Variants in LRP1B observed in about 807,000 individuals in gnomAD.
The protein encoded by LRP1B is LDL receptor related protein 1B, also known as low-density lipoprotein receptor-related protein 1B.
Under a neutral mutation model 556.6 loss-of-function variants are expected in LRP1B, and 217 were observed. That is an observed-to-expected ratio of 0.39 (90% CI 0.35 to 0.44). The LOEUF is 0.44. LRP1B is among the 20% of genes least tolerant of loss of function. The pLI, the probability that LRP1B is intolerant of heterozygous loss-of-function variation, is 1.00. For synonymous variants in LRP1B, 2,047 were observed against 1,865.8 expected (o/e 1.10, Z -2.50); for missense variants, 5,053 against 5,620.8 (o/e 0.90, Z 3.23).
At chr2:141,441,170 G>A (rs184976909) in intron 3 of LRP1B, among the ~76,000 whole-genome samples, 205 of 152,012 alleles carry the variant, frequency 1.3e-3, no homozygotes, top group Non-Finnish European at 2.1e-3. Flanking sequence ...TCCACCTCCC[G>A]GGTTCAAGTG....
At chr2:141,838,985 C>G (rs946481157) in intron 1 of LRP1B, among the ~76,000 whole-genome samples, 1 of 152,060 alleles carries the variant, frequency 6.6e-6, no homozygotes, top group Non-Finnish European at 1.5e-5. Flanking sequence ...AGCTGTGACT[C>G]CTGAGTTTGG....
chr2:142,124,299 A>G (rs1362438072), intron 1 of LRP1B, among the ~76,000 whole-genome samples: 1 of 151,980 alleles, frequency 6.6e-6, no homozygotes, highest in African/African-American at 2.4e-5. Flanking sequence ...AATAGGGAAT[A>G]AGATCAACAA....
At chr2:140,778,084 T>C (rs1689561386) in intron 32 of LRP1B, among the ~76,000 whole-genome samples, 1 of 152,162 alleles carries the variant, frequency 6.6e-6, no homozygotes, top group Admixed American at 6.6e-5. Flanking sequence ...ATTAATTTTA[T>C]TAAAGCTAGG....
chr2:141,896,716 A>T (rs1053972928), intron 1 of LRP1B, among the ~76,000 whole-genome samples: 14 of 152,204 alleles, frequency 9.2e-5, no homozygotes, highest in African/African-American at 2.9e-4. Context: ...TGACATAAAT[A>T]CAAACATAAA....
At chr2:140,704,877 G>A (rs1328063050) in intron 37 of LRP1B, among the ~76,000 whole-genome samples, 1 of 152,116 alleles carries the variant, frequency 6.6e-6, no homozygotes, top group Non-Finnish European at 1.5e-5. Context: ...ATTATTTTGA[G>A]TGAACAGATC....
intron 41 of LRP1B, among the ~76,000 whole-genome samples, chr2:140,687,624 T>C (rs1248442061): frequency 6.6e-6 from 1 of 152,020 alleles, no homozygotes; most frequent in Non-Finnish European, 1.5e-5. Context: ...TCTCTCTCTC[T>C]CAGTATTTTT....
At position 140,534,670 on chromosome 2, in the gene LRP1B, C is replaced by T. The variant is rs150357631; in HGVS notation, c.7643-530G>A. Among the ~76,000 whole-genome samples the T allele has an allele frequency of 1.9e-3, 283 of 152,132 alleles. 1 individual carries two copies. Among genetic ancestry groups the T allele is most frequent in the African/African-American group, 6.6e-3 (272 of 41,520 alleles). Reference sequence around the variant, plus strand: ...ACAGAATTCCCTGAGAAAGAATTACCTTCTGAGTTCTATTTACCATTATGA... The same window carrying T: ...ACAGAATTCCCTGAGAAAGAATTACTTTCTGAGTTCTATTTACCATTATGA... On this transcript the variant is annotated intron_variant, in intron 46 of 90. Transcript: ENST00000389484.
rs566633608 is a variant in LRP1B, at chr2:141,031,674, C to A, written c.1790-11572G>T. Among the ~76,000 whole-genome samples, 14 of 152,022 alleles carry A rather than the reference C, an allele frequency of 9.2e-5. No individual in the cohort carries two copies. In the South Asian group the frequency reaches 2.9e-3, roughly 32 times the overall value. On this transcript the variant is annotated intron_variant, in intron 11 of 90. Coordinates refer to ENST00000389484, the MANE Select transcript of LRP1B (RefSeq NM_018557.3). ...TGGATCCAGAAGAGACAACTTGTAG[C>A]ACACTAGCCCCAAATAAGACACCAT...
intron 3 of LRP1B, among the ~76,000 whole-genome samples, chr2:141,444,007 A>G (rs957395589): frequency 1.3e-5 from 2 of 152,134 alleles, no homozygotes; most frequent in African/African-American, 4.8e-5. Flanking sequence ...CACTGAATCT[A>G]TAAATTACTT....
chr2:141,782,860 T>C (rs948619621), intron 2 of LRP1B, among the ~76,000 whole-genome samples: 1 of 152,028 alleles, frequency 6.6e-6, no homozygotes, highest in African/African-American at 2.4e-5. Flanking sequence ...TAAGGCACTG[T>C]GTTAGAAAAG....
chr2:141,147,407 A>G (rs1356475853), intron 7 of LRP1B, among the ~76,000 whole-genome samples: 1 of 152,214 alleles, frequency 6.6e-6, no homozygotes, highest in African/African-American at 2.4e-5. Context: ...TTATAGTCCA[A>G]CAATAGAGTT....
chr2:141,543,609 T>C (rs530771373), intron 2 of LRP1B, among the ~76,000 whole-genome samples: 1 of 151,054 alleles, frequency 6.6e-6, no homozygotes, highest in South Asian at 2.1e-4. Context: ...TCTGTAGTCC[T>C]AGCTACTGAA....
intron 18 of LRP1B, among the ~76,000 whole-genome samples, chr2:140,972,491 C>G (rs1298504278): frequency 6.6e-6 from 1 of 152,112 alleles, no homozygotes; most frequent in East Asian, 1.9e-4. Flanking sequence ...ATGAGTTTAT[C>G]TTCCTATGGA....
chr2:141,538,981 T>G (rs138672771), intron 2 of LRP1B, among the ~76,000 whole-genome samples: 1 of 152,162 alleles, frequency 6.6e-6, no homozygotes, highest in Admixed American at 6.6e-5. Context: ...GAAATAAGAT[T>G]TCAGTGTGCA....
intron 23 of LRP1B, among the ~76,000 whole-genome samples, chr2:140,895,420 T>C (rs1693923404): frequency 6.6e-6 from 1 of 152,206 alleles, no homozygotes; most frequent in South Asian, 2.1e-4. Context: ...GCTCGTTTAC[T>C]CAGCCTGCGG....
In LRP1B at chr2:141,544,396, CCTCCTCCTCCTCCTCCTT is replaced by C. The variant is rs1289468895; in HGVS notation, c.206-63881_206-63864del. Among the ~76,000 whole-genome samples, 224 of 51,928 alleles carry C rather than the reference CCTCCTCCTCCTCCTCCTT, an allele frequency of 4.3e-3. 6 individuals are homozygous for C. The highest frequency in any genetic ancestry group is 0.012 in the African/African-American group (190 of 15,424). The allele number at this position is 51,928 out of a possible 152,430, so 34.1% of individuals were successfully genotyped here. On this transcript the variant is annotated intron_variant, in intron 2 of 90. Transcript: ENST00000389484. ...TTCTTCTTCTTCTCCTCCTCCTCCT[CCTCCTCCTCCTCCTCCTT>C]CTCCTCCTTCTCCTCCTTCTCCTCC...
intron 25 of LRP1B, among the ~76,000 whole-genome samples, chr2:140,874,067 A>G (rs1400828957): frequency 3.9e-5 from 6 of 152,138 alleles, no homozygotes; most frequent in Admixed American, 2.0e-4. Context: ...CAAACCAGAA[A>G]GTCCAAGCAT....
chr2:141,199,173 C>T (rs1337609025), intron 6 of LRP1B, among the ~76,000 whole-genome samples: 1 of 152,136 alleles, frequency 6.6e-6, no homozygotes, highest in Non-Finnish European at 1.5e-5. Flanking sequence ...CTGATAGACT[C>T]TTAAGATTTA....
At chr2:141,853,516 T>C (rs1031908132) in intron 1 of LRP1B, among the ~76,000 whole-genome samples, 1 of 151,838 alleles carries the variant, frequency 6.6e-6, no homozygotes, top group African/African-American at 2.4e-5. Flanking sequence ...TTTTGAAGTG[T>C]ATATGTATGT....
Sources: allele counts gnomAD v4.1 joint callset (sites outside exome capture counted in the v4.1 genomes callset), GRCh38; gene constraint gnomAD v4.1.1; transcripts MANE v1.5; gene names NCBI Gene and HGNC (gene_info 2026-07-23, HGNC 2026-07-21).